Variants in ZNF91 observed in about 807,000 individuals in gnomAD.
ZNF91 encodes the protein zinc finger protein 91.
ZNF91 carries 7 observed loss-of-function variants against 12.6 expected under a neutral mutation model. The observed-to-expected ratio is 0.55, with a 90% CI of 0.31 to 1.04. The LOEUF (loss-of-function observed/expected upper bound fraction) is 1.04, where lower values mean the gene tolerates loss of function less well. Among genes scored for constraint, ZNF91 ranks in the 50% least tolerant of loss-of-function variants. The pLI is 0.05. For synonymous variants in ZNF91, 453 were observed against 462.6 expected, an observed-to-expected ratio of 0.98 and a Z score of 0.27; for missense variants, 1,217 against 1,385.4, an observed-to-expected ratio of 0.88 and a Z score of 1.93.
chr19:23,313,138 A>C (rs1262812324), upstream of ZNF91, among the ~76,000 whole-genome samples: 8 of 152,212 alleles, frequency 5.3e-5, no homozygotes, highest in Non-Finnish European at 1.2e-4. Context: ...CATACTTAGA[A>C]ACAGGACATG....
chr19:23,323,351 C>T (rs1204763710), intron 1 of ZNF91, among the ~76,000 whole-genome samples: 2 of 136,948 alleles, frequency 1.5e-5, no homozygotes, highest in Non-Finnish European at 3.2e-5. Context: ...CCTCCTCTCC[C>T]CCTCCTTTCC....
downstream of ZNF91, among the ~76,000 whole-genome samples, chr19:23,334,267 A>G (rs767076398): frequency 7.9e-5 from 12 of 152,176 alleles, no homozygotes; most frequent in Non-Finnish European, 1.6e-4. Context: ...AGTTGGCATG[A>G]TGAGAGATAC....
At chr19:23,378,455 A>T (rs1406032962) in intron 1 of ZNF91, among the ~76,000 whole-genome samples, 2 of 152,202 alleles carry the variant, frequency 1.3e-5, no homozygotes, top group African/African-American at 4.8e-5. Flanking sequence ...AACTTAGCTA[A>T]AAAACAAAAA....
intron 1 of ZNF91, among the ~76,000 whole-genome samples, chr19:23,322,247 GC>G: frequency 6.6e-6 from 1 of 152,202 alleles, no homozygotes; most frequent in South Asian, 2.1e-4. Context: ...GTGATGTGGC[GC>G]TCCTGCTTTG....
chr19:23,376,021 A>C (rs1270240912), intron 1 of ZNF91, among the ~76,000 whole-genome samples: 1 of 152,222 alleles, frequency 6.6e-6, no homozygotes, highest in African/African-American at 2.4e-5. Flanking sequence ...GATTTTAAGT[A>C]CTTTCTTTAA....
At chr19:23,367,857 T>C (rs1052513176) in intron 3 of ZNF91, among the ~76,000 whole-genome samples, 3 of 152,164 alleles carry the variant, frequency 2.0e-5, no homozygotes, top group Non-Finnish European at 2.9e-5. Context: ...CCTTAAACCA[T>C]ATGTGAAAAT....
intron 3 of ZNF91, among the ~76,000 whole-genome samples, chr19:23,343,305 G>A (rs113061465): frequency 1.5e-4 from 23 of 152,290 alleles, no homozygotes; most frequent in Middle Eastern, 3.4e-3. Context: ...GATCTGAGAT[G>A]AGACCTGAGT....
chr19:23,386,091 TAAG>T (rs1046724712), intron 1 of ZNF91, among the ~76,000 whole-genome samples: 7 of 152,010 alleles, frequency 4.6e-5, no homozygotes, highest in African/African-American at 1.7e-4. Flanking sequence ...ATAAAATATC[TAAG>T]AATACAGCTA....
At chr19:23,352,472 A>G (rs937686915) in intron 3 of ZNF91, among the ~76,000 whole-genome samples, 2 of 152,144 alleles carry the variant, frequency 1.3e-5, no homozygotes, top group Non-Finnish European at 2.9e-5. Context: ...AGTGGTAGAC[A>G]AAGAACATAT....
chr19:23,346,745 T>C (rs1968240457), intron 3 of ZNF91, among the ~76,000 whole-genome samples: 1 of 152,192 alleles, frequency 6.6e-6, no homozygotes, highest in Admixed American at 6.5e-5. Flanking sequence ...CTCTGAACAT[T>C]GACGGCAGCT....
chr19:23,322,598 A>C (rs1247796873), intron 1 of ZNF91, among the ~76,000 whole-genome samples: 1 of 152,038 alleles, frequency 6.6e-6, no homozygotes, highest in African/African-American at 2.4e-5. Context: ...TTTAATCCAA[A>C]AGCCATGAAA....
intron 1 of ZNF91, among the ~76,000 whole-genome samples, chr19:23,318,288 A>G (rs1457785841): frequency 1.3e-5 from 2 of 152,076 alleles, no homozygotes; most frequent in Non-Finnish European, 2.9e-5. Context: ...GTCCCTGCCT[A>G]CAGGAGGCAT....
At chr19:23,393,640 C>T (rs1970140463) in intron 1 of ZNF91, among the ~76,000 whole-genome samples, 2 of 152,102 alleles carry the variant, frequency 1.3e-5, no homozygotes, top group Non-Finnish European at 2.9e-5. Context: ...TTGCTTTCTT[C>T]TCACAGGGAG....
At chr19:23,387,667 C>T (rs34448243) in intron 1 of ZNF91, among the ~76,000 whole-genome samples, 28,641 of 152,146 alleles carry the variant, frequency 0.19, 2,921 homozygotes, top group Non-Finnish European at 0.21. Context: ...TGGCCCACCA[C>T]GATGGCTCAT....
chr19:23,323,642 CTT>C lies in ZNF91; in HGVS notation n.117-14547_117-14546del, dbSNP rs1568368219. On this transcript the variant is annotated intron_variant and non_coding_transcript_variant, in intron 1 of 1. Transcript: ENST00000596528. Reference sequence around the variant, plus strand: ...TCTTCTCCTTTCTCCTCCTCCTTCTCTTCTCCTCTCCTCCTCCTTTCCTCTTC... The same window carrying C: ...TCTTCTCCTTTCTCCTCCTCCTTCTCCTCCTCTCCTCCTCCTTTCCTCTTC... 1.8e-3 allele frequency among the ~76,000 whole-genome samples: 250 copies of C among 135,792 alleles called. 1 individual carries two copies. The highest frequency in any genetic ancestry group is 7.5e-3 in the African/African-American group (244 of 32,670). The allele number at this position is 135,792 out of a possible 152,430, so 89.1% of individuals were successfully genotyped here.
chr19:23,322,662 TTCC>T (rs138540154), intron 1 of ZNF91, among the ~76,000 whole-genome samples: 18,944 of 150,588 alleles, frequency 0.13, 1,914 homozygotes, highest in East Asian at 0.42. Flanking sequence ...CTCCTCCTTT[TTCC>T]TCCTTTCCAT....
intron 1 of ZNF91, among the ~76,000 whole-genome samples, chr19:23,316,691 C>T (rs1366472494): frequency 6.6e-6 from 1 of 152,118 alleles, no homozygotes; most frequent in Non-Finnish European, 1.5e-5. Flanking sequence ...ACACATCAGC[C>T]AATAGAAAGG....
At chr19:23,339,007 C>G (rs73565006) in exon 4 of ZNF91, 2 of 149,554 alleles carry the variant, frequency 1.3e-5, no homozygotes, top group African/African-American at 4.9e-5. Context: ...AGCAGTGGGA[C>G]GAGATCGCGC....
At chr19:23,394,880 T>A (rs1970181049) in intron 1 of ZNF91, among the ~76,000 whole-genome samples, 2 of 152,182 alleles carry the variant, frequency 1.3e-5, no homozygotes, top group South Asian at 4.1e-4. Flanking sequence ...AATGTTTGAA[T>A]CACTCTTTGA....
Sources: gnomAD v4.1 joint callset for allele counts (sites outside exome capture counted in the v4.1 genomes callset) on GRCh38, gnomAD v4.1.1 for gene constraint, MANE v1.5 for transcripts, NCBI Gene and HGNC (gene_info 2026-07-23, HGNC 2026-07-21) for gene names.